PHF24: variants seen among roughly 807,000 people sequenced by gnomAD.
The protein encoded by PHF24 is Galpha inhibitory interacting protein.
Under a neutral mutation model 42.6 loss-of-function variants are expected in PHF24, and 25 were observed. The ratio of observed to expected loss-of-function variants is 0.59; its 90% CI spans 0.43 to 0.82. The LOEUF (loss-of-function observed/expected upper bound fraction) is 0.82, where lower values mean the gene tolerates loss of function less well. Ranked by LOEUF, PHF24 falls within the 40% of genes least tolerant of loss-of-function variation. The probability of loss-of-function intolerance (pLI) is 0.00; values close to 1 mark genes in which losing one functional copy is unlikely to be tolerated. For synonymous variants in PHF24, 185 were observed against 204.8 expected, an observed-to-expected ratio of 0.90 and a Z score of 0.83; for missense variants, 470 against 538.1, an observed-to-expected ratio of 0.87 and a Z score of 1.25.
the PHF24 span, among the ~76,000 whole-genome samples, chr9:34,734,045 C>A: frequency 3.3e-5 from 5 of 152,140 alleles, no homozygotes; most frequent in East Asian, 9.6e-4. Flanking sequence ...TTCACTCTTA[C>A]AACAAAAGAA....
At chr9:34,687,662 G>A in the PHF24 span, among the ~76,000 whole-genome samples, 1 of 152,236 alleles carries the variant, frequency 6.6e-6, no homozygotes, top group Non-Finnish European at 1.5e-5. Context: ...CTCCGTCTGT[G>A]TGTTCCTCCG....
chr9:34,958,219 G>GAC (rs1563923967), upstream of PHF24: 1 of 144,838 alleles, frequency 6.9e-6, no homozygotes, highest in Non-Finnish European at 1.4e-5. The surrounding 1 kb of genome is among the most constrained non-coding windows in gnomAD (Gnocchi z 4.5). Flanking sequence ...GTGTGCTCCG[G>GAC]CCGCGCGCGC....
chr9:34,875,936 ACACACACACACACACT>A, the PHF24 span, among the ~76,000 whole-genome samples: 3 of 87,788 alleles, frequency 3.4e-5, no homozygotes, highest in Admixed American at 1.2e-4. Context: ...ACACACACAC[ACACACACACACACACT>A]CTCTCTCTCT....
the PHF24 span, among the ~76,000 whole-genome samples, chr9:34,698,902 G>C: frequency 6.6e-6 from 1 of 152,208 alleles, no homozygotes; most frequent in South Asian, 2.1e-4. Flanking sequence ...TGCTGTAGGA[G>C]CCCTAGTAGG....
At chr9:34,977,291 T>C in intron 6 of PHF24, 48 bp downstream of exon 6, 2 of 1,532,284 alleles carry the variant, frequency 1.3e-6, no homozygotes, top group Admixed American at 2.0e-5. Context: ...TCCTCCTCCC[T>C]TTTCCATGCC....
At chr9:34,846,978 T>TAC in the PHF24 span, among the ~76,000 whole-genome samples, 1 of 152,254 alleles carries the variant, frequency 6.6e-6, no homozygotes. Flanking sequence ...TTGGTACTAG[T>TAC]ACCATGCTGT....
chr9:34,961,961 C>G (rs1177828724), intron 1 of PHF24, among the ~76,000 whole-genome samples: 1 of 152,064 alleles, frequency 6.6e-6, no homozygotes, highest in Non-Finnish European at 1.5e-5. Flanking sequence ...TTTTTTGAGG[C>G]TTAGGAGTCT....
the PHF24 span, among the ~76,000 whole-genome samples, chr9:34,904,436 G>T: frequency 6.6e-6 from 1 of 152,146 alleles, no homozygotes; most frequent in Non-Finnish European, 1.5e-5. Flanking sequence ...ATCATAAAGG[G>T]ATGCTGGATT....
the PHF24 span, chr9:34,837,798 A>T: frequency 1.3e-6 from 1 of 772,156 alleles, no homozygotes; most frequent in Non-Finnish European, 2.2e-6. Context: ...CTTTCTATAT[A>T]TCTATCTGTA....
chr9:34,760,548 G>C, the PHF24 span, among the ~76,000 whole-genome samples: 1 of 152,186 alleles, frequency 6.6e-6, no homozygotes, highest in Non-Finnish European at 1.5e-5. Context: ...AAGCCCCAGA[G>C]TAGTGTCAGG....
At chr9:34,863,372 G>T in the PHF24 span, among the ~76,000 whole-genome samples, 35 of 151,922 alleles carry the variant, frequency 2.3e-4, no homozygotes, top group Non-Finnish European at 5.9e-5. Flanking sequence ...TCCCAGTGGT[G>T]GTGGCCACAG....
chr9:34,911,522 G>T, the PHF24 span, among the ~76,000 whole-genome samples: 6 of 152,316 alleles, frequency 3.9e-5, no homozygotes, highest in South Asian at 1.2e-3. Flanking sequence ...AAAGTGCCGG[G>T]ATTACAGGCG....
At chr9:34,684,537 G>A in the PHF24 span, among the ~76,000 whole-genome samples, 2 of 152,154 alleles carry the variant, frequency 1.3e-5, no homozygotes, top group African/African-American at 4.8e-5. Flanking sequence ...TGATAGTAAT[G>A]GGGGGACCTT....
chr9:34,775,892 T>C, the PHF24 span, among the ~76,000 whole-genome samples: 7 of 152,334 alleles, frequency 4.6e-5, no homozygotes, highest in African/African-American at 1.7e-4. Flanking sequence ...TATATCCATA[T>C]ATGGAAATAT....
At chr9:34,740,298 C>T in the PHF24 span, among the ~76,000 whole-genome samples, 5 of 152,208 alleles carry the variant, frequency 3.3e-5, no homozygotes, top group Non-Finnish European at 7.4e-5. Flanking sequence ...CGGCGCTAGT[C>T]AGGGAGGCTT....
the PHF24 span, among the ~76,000 whole-genome samples, chr9:34,828,921 C>CTATATCTATATCTATATA: frequency 1.3e-5 from 2 of 151,560 alleles, no homozygotes; most frequent in African/African-American, 4.9e-5. Context: ...TTATCTATAT[C>CTATATCTATATCTATATA]TATATCTATA....
chr9:34,864,369 A>G, the PHF24 span, among the ~76,000 whole-genome samples: 1 of 152,220 alleles, frequency 6.6e-6, no homozygotes, highest in African/African-American at 2.4e-5. Flanking sequence ...CCCAAGGGTC[A>G]AGGACAAAGG....
At chr9:34,726,983 C>T in the PHF24 span, 1 of 1,545,328 alleles carries the variant, frequency 6.5e-7, no homozygotes, top group Non-Finnish European at 8.8e-7. Context: ...AGGAAGCCAG[C>T]CCTGGCTAGG....
the PHF24 span, among the ~76,000 whole-genome samples, chr9:34,749,981 A>G: frequency 6.6e-6 from 1 of 152,176 alleles, no homozygotes; most frequent in South Asian, 2.1e-4. Flanking sequence ...TAGTATATCT[A>G]GCAAAAATAT....
Sources: gnomAD v4.1 joint callset for allele counts (sites outside exome capture counted in the v4.1 genomes callset) on GRCh38, gnomAD v4.1.1 for gene constraint, Gnocchi (gnomAD v3.1) non-coding constraint, MANE v1.5 for transcripts, NCBI Gene and HGNC (gene_info 2026-07-23, HGNC 2026-07-21) for gene names.